The following TACC2 variants were observed in gnomAD, a reference collection of about 807,000 sequenced individuals.
TACC2 encodes the protein transforming acidic coiled-coil-containing protein 2.
A neutral mutation model predicts 227.3 loss-of-function variants in TACC2; 137 were observed. That is an observed-to-expected ratio of 0.60 (90% CI 0.52 to 0.69). The LOEUF (loss-of-function observed/expected upper bound fraction) is 0.69. TACC2 is among the 30% of genes least tolerant of loss of function. The probability of loss-of-function intolerance (pLI) is 0.00; values close to 1 mark genes in which losing one functional copy is unlikely to be tolerated. For synonymous variants in TACC2, 1,523 were observed against 1,487.5 expected, an observed-to-expected ratio of 1.02 and a Z score of -0.55; for missense variants, 3,470 against 3,694.4, an observed-to-expected ratio of 0.94 and a Z score of 1.57.
At position 122,183,225 on chromosome 10, in the gene TACC2, CA is replaced by C. The variant is rs146362059; in HGVS notation, c.5835-11807del. 0.015 allele frequency among the ~76,000 whole-genome samples: 2,214 copies of C among 150,650 alleles called. 138 individuals are homozygous for C. In the East Asian group the frequency reaches 0.23, roughly 16 times the overall value. The stretch of plus-strand genomic sequence containing the variant: ...GTCTCAAAAAAAACAAAAAAACAAA[CA>C]AAAAAAACAACAGGGGGTGGGGGCT... On this transcript the variant is annotated intron_variant, in intron 7 of 22. Coordinates refer to ENST00000369005, the MANE Select transcript of TACC2 (RefSeq NM_206862.4).
At chr10:122,032,994 A>AACT (rs796630415) in intron 2 of TACC2, 126,121 of 671,534 alleles carry the variant, frequency 0.19, 13,957 homozygotes, top group Middle Eastern at 0.27. Context: ...CAACAACAAC[A>AACT]ACAACAAAAA....
chr10:121,990,309 G>A (rs1036759354), intron 1 of TACC2, among the ~76,000 whole-genome samples: 11 of 151,892 alleles, frequency 7.2e-5, no homozygotes, highest in Non-Finnish European at 1.3e-4. Context: ...TAGAGATGGG[G>A]GTCTCGCCGT....
At chr10:122,123,507 C>G (rs2086237892) in intron 5 of TACC2, among the ~76,000 whole-genome samples, 1 of 152,204 alleles carries the variant, frequency 6.6e-6, no homozygotes. Flanking sequence ...GGGCCCCTCA[C>G]CCAGAGGAAT....
At chr10:122,158,486 A>G (rs1046501240) in intron 7 of TACC2, among the ~76,000 whole-genome samples, 19 of 152,114 alleles carry the variant, frequency 1.2e-4, no homozygotes, top group African/African-American at 4.3e-4. Flanking sequence ...CATTTGGGTT[A>G]CCTCCCTGGG....
chr10:122,253,917 C>A, intron 22 of TACC2, 74 bp from the exon 23 acceptor site: 1 of 1,337,542 alleles, frequency 7.5e-7, no homozygotes, highest in Non-Finnish European at 1.1e-6. Flanking sequence ...CCCCATCTCC[C>A]CAAAAAGCCC....
At chr10:122,213,383 T>C (rs755297962) in intron 9 of TACC2, 4 of 1,612,258 alleles carry the variant, frequency 2.5e-6, no homozygotes, top group Non-Finnish European at 3.4e-6. Context: ...CTGTTGTAAG[T>C]AAATTTAATG....
At chr10:122,185,021 C>CTTTTT (rs34148046) in intron 7 of TACC2, among the ~76,000 whole-genome samples, 84 of 95,278 alleles carry the variant, frequency 8.8e-4, no homozygotes, top group East Asian at 1.2e-3. Context: ...GTCACTTATT[C>CTTTTT]TTTTTTTTTT....
intron 7 of TACC2, chr10:122,163,833 G>T: frequency 1.4e-6 from 2 of 1,471,602 alleles, no homozygotes; most frequent in Non-Finnish European, 9.0e-7. Context: ...AACCCCGGCC[G>T]CCGGCCGGCT....
rs1040332026 is a variant in TACC2 at position 122,237,677 on chromosome 10, T to A, written c.8271+139T>A. The A allele has an allele frequency of 4.4e-6, 5 of 1,132,546 alleles. No individual in the cohort carries two copies. In the African/African-American group the frequency reaches 7.8e-5, roughly 18 times the overall value. 70.2% of individuals were successfully genotyped at this position (1,132,546 alleles called of 1,614,324 possible). ...CAAAGATGTGTGGCACACCATGCGT[T>A]TTGATCTTCCTAGACGCTATCGTGT... On this transcript the variant is annotated intron_variant, in intron 17 of 22. Transcript: ENST00000369005.
chr10:122,106,309 C>T (rs918822895), intron 5 of TACC2, among the ~76,000 whole-genome samples: 5 of 152,092 alleles, frequency 3.3e-5, no homozygotes, highest in African/African-American at 1.2e-4. Flanking sequence ...CATTTTTATC[C>T]ACTTACTGAT....
intron 7 of TACC2, among the ~76,000 whole-genome samples, chr10:122,155,682 C>G (rs529982076): frequency 1.3e-5 from 2 of 152,220 alleles, no homozygotes; most frequent in African/African-American, 4.8e-5. Flanking sequence ...GTGGGCCACC[C>G]TCTCGATTTT....
chr10:122,026,416 C>T (rs1437810032), intron 2 of TACC2, among the ~76,000 whole-genome samples: 1 of 150,418 alleles, frequency 6.6e-6, no homozygotes, highest in Non-Finnish European at 1.5e-5. Flanking sequence ...AGAACTCTGC[C>T]TACACCAACA....
chr10:122,178,430 T>G (rs1033726189), intron 7 of TACC2, among the ~76,000 whole-genome samples: 2 of 151,744 alleles, frequency 1.3e-5, no homozygotes, highest in Non-Finnish European at 2.9e-5. Context: ...AGAGGCAAGG[T>G]TTCCTCATGT....
chr10:122,229,547 C>T, intron 15 of TACC2, 61 bp downstream of exon 15: 2 of 1,585,866 alleles, frequency 1.3e-6, no homozygotes, highest in Non-Finnish European at 1.7e-6. Flanking sequence ...GAATGAACCC[C>T]CGAGGCCCAA....
chr10:122,111,611 C>T (rs2083623085), intron 5 of TACC2, among the ~76,000 whole-genome samples: 1 of 152,174 alleles, frequency 6.6e-6, no homozygotes, highest in African/African-American at 2.4e-5. Flanking sequence ...CTGCCTCAGC[C>T]TCCCGAGTAG....
At chr10:121,993,358 C>A (rs558543486) in intron 1 of TACC2, among the ~76,000 whole-genome samples, 22 of 152,000 alleles carry the variant, frequency 1.4e-4, no homozygotes, top group Non-Finnish European at 3.1e-4. Context: ...ATTAGATTAC[C>A]TTTTAAATTT....
chr10:122,164,014 C>A, intron 7 of TACC2: 1 of 1,565,330 alleles, frequency 6.4e-7, no homozygotes, highest in Non-Finnish European at 8.7e-7. Context: ...GCCCGGGCCG[C>A]CCCGAGTCTC....
chr10:122,193,359 C>A (rs1399496183), intron 7 of TACC2, among the ~76,000 whole-genome samples: 1 of 152,118 alleles, frequency 6.6e-6, no homozygotes, highest in Non-Finnish European at 1.5e-5. Context: ...TTCTTCAGGT[C>A]CCAGTGGATA....
chr10:122,059,771 G>A (rs898295105), intron 3 of TACC2, among the ~76,000 whole-genome samples: 3 of 152,156 alleles, frequency 2.0e-5, no homozygotes, highest in African/African-American at 7.2e-5. Flanking sequence ...ACCCAGCAGG[G>A]TGTCAAGCTA....
Sources: gnomAD v4.1 joint callset for allele counts (sites outside exome capture counted in the v4.1 genomes callset) on GRCh38, gnomAD v4.1.1 for gene constraint, MANE v1.5 for transcripts, NCBI Gene and HGNC (gene_info 2026-07-23, HGNC 2026-07-21) for gene names.